Variants in ABCG8 observed in about 807,000 individuals in gnomAD.
ABCG8 encodes ATP binding cassette subfamily G member 8, also known as ATP-binding cassette sub-family G member 8.
ABCG8 carries 81 observed loss-of-function variants against 71.3 expected under a neutral mutation model. The ratio of observed to expected loss-of-function variants is 1.14; its 90% CI spans 0.95 to 1.37. The LOEUF is 1.37. ABCG8 is among the 40% of genes most tolerant of loss of function. The pLI is 0.00. For synonymous variants in ABCG8, 451 were observed against 354.7 expected (o/e 1.27, Z -3.05); for missense variants, 1,119 against 866.2 (o/e 1.29, Z -3.66).
intron 6 of ABCG8, among the ~76,000 whole-genome samples, chr2:43,855,142 C>A (rs562673411): frequency 6.6e-6 from 1 of 152,302 alleles, no homozygotes; most frequent in South Asian, 2.1e-4. Context: ...GGATAGAATT[C>A]TCATTCTCTG....
intron 6 of ABCG8, among the ~76,000 whole-genome samples, chr2:43,867,356 A>AT (rs1173719263): frequency 6.8e-6 from 1 of 146,928 alleles, no homozygotes; most frequent in Non-Finnish European, 1.5e-5. Context: ...TTAAAAAAAA[A>AT]AAAGAATTCT....
chr2:43,862,278 G>A (rs907028076), intron 6 of ABCG8, among the ~76,000 whole-genome samples: 1 of 146,772 alleles, frequency 6.8e-6, no homozygotes, highest in Non-Finnish European at 1.5e-5. Flanking sequence ...CTCACTATCT[G>A]GGTAGTATTC....
chr2:43,875,955 C>T (rs1669946860), intron 11 of ABCG8, among the ~76,000 whole-genome samples: 1 of 152,200 alleles, frequency 6.6e-6, no homozygotes, highest in East Asian at 1.9e-4. Flanking sequence ...GCCTGCCCAG[C>T]TATTGTCTCT....
chr2:43,843,532 T>C (rs1351150864), intron 1 of ABCG8, among the ~76,000 whole-genome samples: 1 of 151,852 alleles, frequency 6.6e-6, no homozygotes, highest in Non-Finnish European at 1.5e-5. Context: ...ATACAAAAAT[T>C]AGCTGGGTGT....
intron 6 of ABCG8, among the ~76,000 whole-genome samples, chr2:43,861,920 A>G (rs1272797199): frequency 4.0e-5 from 6 of 151,224 alleles, no homozygotes; most frequent in Non-Finnish European, 1.5e-5. Context: ...CACTCTCTGG[A>G]TAGAACTCTC....
chr2:43,875,256 G>A lies in ABCG8; in HGVS notation c.1599G>A (p.Leu533=), dbSNP rs1019461053. ...PGLQPFLLHF[L]LVWLVVFCCR... ...TCCAGCCCTTCCTGCTGCACTTCCT[G>A]CTGGTGTGGCTGGTGGTCTTCTGTT... The change falls in exon 11 of 13, where the codon CTG becomes CTA. Residue 533 remains leucine (L), a synonymous_variant. Transcript: ENST00000272286. 1 of 1,614,122 alleles carries A rather than the reference G, an allele frequency of 6.2e-7. No individual in the cohort carries two copies. The highest frequency in any genetic ancestry group is 8.5e-7 in the Non-Finnish European group (1 of 1,180,048).
intron 3 of ABCG8, chr2:43,847,743 C>T (rs1558802041): frequency 6.6e-6 from 1 of 151,800 alleles, no homozygotes; most frequent in African/African-American, 2.4e-5. Context: ...GAATAGTCTC[C>T]TGTTTTGTTT....
chr2:43,857,358 G>T (rs907091217), intron 6 of ABCG8, among the ~76,000 whole-genome samples: 1 of 151,458 alleles, frequency 6.6e-6, no homozygotes, highest in South Asian at 2.1e-4. Context: ...CGTATTCCTC[G>T]ATAGAACTCT....
chr2:43,858,194 C>A (rs1669179450), intron 6 of ABCG8, among the ~76,000 whole-genome samples: 1 of 151,438 alleles, frequency 6.6e-6, no homozygotes, highest in South Asian at 2.1e-4. Context: ...AGAACTCTCA[C>A]TATCTGGTTA....
intron 3 of ABCG8, chr2:43,846,639 C>G (rs1181742058): frequency 2.7e-6 from 1 of 370,990 alleles, no homozygotes; most frequent in African/African-American, 2.1e-5. Flanking sequence ...TCAGACTCCT[C>G]CAGCCATGAG....
chr2:43,852,857 C>A lies in ABCG8; in HGVS notation c.953C>A (p.Ala318Asp). Residue 318 changes from alanine to aspartate, a missense_variant, in exon 6 of 13, where the codon GCT (alanine) becomes GAT (aspartate). Coordinates refer to ENST00000272286, the MANE Select transcript of ABCG8 (RefSeq NM_022437.3). ...CCCTGTCCTCGCTACAGCAATCCTG[C>A]TGACTTCTATGGTGAGTCCCCAAGG... ...GYPCPRYSNP[A>D]DFYVDLTSID... 6.2e-7 allele frequency: 1 copy of A among 1,614,086 alleles called. No homozygotes were observed. The highest frequency in any genetic ancestry group is 8.5e-7 in the Non-Finnish European group (1 of 1,180,038).
At chr2:43,852,222 C>A in intron 4 of ABCG8, 132 bp from the exon 5 acceptor site, 2 of 1,281,882 alleles carry the variant, frequency 1.6e-6, no homozygotes, top group Non-Finnish European at 1.1e-6. Flanking sequence ...GCTTGGAACT[C>A]AAGTGCTGGA....
In ABCG8 at chr2:43,877,721, T is replaced by C. The variant is rs781231399; in HGVS notation, c.1884+33T>C. On this transcript the variant is annotated intron_variant, in intron 12 of 12. Transcript: ENST00000272286. ...GGGAAGGCCTCGGGTTCTAAATTAT[T>C]GGACGTCCGGCTTTCCATCCTCCTC... 24 of 1,614,070 alleles carry C rather than the reference T, an allele frequency of 1.5e-5. No homozygotes were observed. In the Admixed American group the frequency reaches 3.3e-4, roughly 22 times the overall value.
chr2:43,878,041 C>T lies in ABCG8; in HGVS notation c.*128C>T, dbSNP rs899195426. The stretch of plus-strand genomic sequence containing the variant: ...TACAGATGCTCAGCTACATCCGGCC[C>T]AGGGTGCTGCAGTGGCACAGACCAG... On this transcript the variant is annotated 3_prime_UTR_variant, in exon 13 of 13. Coordinates refer to ENST00000272286, the MANE Select transcript of ABCG8 (RefSeq NM_022437.3). 1.4e-6 allele frequency: 2 copies of T among 1,391,504 alleles called. No homozygotes were observed. The allele number at this position is 1,391,504 out of a possible 1,614,324, so 86.2% of individuals were successfully genotyped here. A position where few individuals can be genotyped will look rare whatever the true frequency, so the allele number is the denominator to read the frequency against.
rs1669812173 is a variant in ABCG8, at chr2:43,872,323, T to G, written c.1211+17T>G. The G allele has an allele frequency of 6.2e-7, 1 of 1,611,018 alleles. No individual in the cohort carries two copies. Among genetic ancestry groups the G allele is most frequent in the Non-Finnish European group, 8.5e-7 (1 of 1,178,690 alleles). ...GCTGATCCGGTAATTATCTGTCATTTTATTACTGAACCCGCCCCCCTGCCC... is the reference window on the plus strand; with the variant it reads ...GCTGATCCGGTAATTATCTGTCATTGTATTACTGAACCCGCCCCCCTGCCC... On this transcript the variant is annotated intron_variant, in intron 8 of 12. Coordinates refer to ENST00000272286, the MANE Select transcript of ABCG8 (RefSeq NM_022437.3).
chr2:43,854,778 G>A (rs996284345), intron 6 of ABCG8, among the ~76,000 whole-genome samples: 12 of 152,296 alleles, frequency 7.9e-5, no homozygotes, highest in African/African-American at 2.4e-4. Flanking sequence ...GGGAGATCCT[G>A]GCTGTGGCTG....
At chr2:43,877,437 T>C (rs1408763492) in intron 11 of ABCG8, 124 bp from the exon 12 acceptor site, 4 of 1,497,652 alleles carry the variant, frequency 2.7e-6, no homozygotes, top group South Asian at 1.2e-5. Context: ...GGGGAGATCA[T>C]GCAAATATGG....
At chr2:43,849,937 C>T (rs1464184214) in intron 3 of ABCG8, among the ~76,000 whole-genome samples, 1 of 152,024 alleles carries the variant, frequency 6.6e-6, no homozygotes, top group African/African-American at 2.4e-5. Context: ...CGGTGGCTCA[C>T]GTCTGTCATC....
intron 6 of ABCG8, among the ~76,000 whole-genome samples, chr2:43,864,521 C>A (rs1235751214): frequency 6.7e-6 from 1 of 148,666 alleles, no homozygotes; most frequent in Non-Finnish European, 1.5e-5. Flanking sequence ...GATCTCTCAC[C>A]ATCTGTCTGG....
Sources: allele counts gnomAD v4.1 joint callset (sites outside exome capture counted in the v4.1 genomes callset), GRCh38; gene constraint gnomAD v4.1.1; transcripts MANE v1.5; gene names NCBI Gene and HGNC (gene_info 2026-07-23, HGNC 2026-07-21).